Variants in EML1 observed in about 807,000 individuals in gnomAD.
EML1 encodes EMAP like 1.
In EML1, 27 loss-of-function variants were observed where a neutral mutation model predicts 110.4. The observed-to-expected ratio is 0.24, with a 90% CI of 0.18 to 0.34. The LOEUF (loss-of-function observed/expected upper bound fraction) is 0.34, where lower values mean the gene tolerates loss of function less well. Ranked by LOEUF, EML1 falls within the 10% of genes least tolerant of loss-of-function variation. EML1 has a pLI of 1.00. For synonymous variants in EML1, 344 were observed against 385.8 expected (o/e 0.89, Z 1.27); for missense variants, 741 against 1,030.9 (o/e 0.72, Z 3.85).
chr14:99,909,180 T>G, intron 10 of EML1, 165 bp from the exon 11 acceptor site: 1 of 1,073,114 alleles, frequency 9.3e-7, no homozygotes, highest in East Asian at 2.4e-5. Flanking sequence ...CACACCAGCA[T>G]ATGCTTGATG....
At chr14:99,840,816 T>A (rs1157834123) in intron 1 of EML1, among the ~76,000 whole-genome samples, 1 of 152,230 alleles carries the variant, frequency 6.6e-6, no homozygotes, top group East Asian at 1.9e-4. Context: ...CATGCTTCTC[T>A]CACCTTTTAA....
chr14:99,738,634 C>T (rs973111998), intron 1 of EML1, among the ~76,000 whole-genome samples: 4 of 152,364 alleles, frequency 2.6e-5, no homozygotes, highest in Admixed American at 1.3e-4. Flanking sequence ...AGCTTAACTT[C>T]TCTGAGCCTC....
chr14:99,917,754 A>G, intron 15 of EML1, 28 bp from the exon 16 acceptor site: 1 of 1,612,264 alleles, frequency 6.2e-7, no homozygotes. Flanking sequence ...TCTGTTCATC[A>G]ATTTACACTT....
At chr14:99,801,340 G>A (rs1032088432) in intron 1 of EML1, among the ~76,000 whole-genome samples, 1 of 152,204 alleles carries the variant, frequency 6.6e-6, no homozygotes, top group African/African-American at 2.4e-5. Flanking sequence ...AATTGGCCGG[G>A]CACGGTGGCT....
At chr14:99,925,682 G>A (rs538102897) in intron 17 of EML1, among the ~76,000 whole-genome samples, 13 of 152,302 alleles carry the variant, frequency 8.5e-5, no homozygotes, top group East Asian at 3.9e-4. Context: ...AGTTCAGGCC[G>A]TTTCCATGTC....
intron 3 of EML1, among the ~76,000 whole-genome samples, chr14:99,867,313 C>T (rs1193984931): frequency 6.6e-6 from 1 of 152,088 alleles, no homozygotes; most frequent in African/African-American, 2.4e-5. Flanking sequence ...TATTTAGGGT[C>T]CCTTGATATT....
intron 2 of EML1, among the ~76,000 whole-genome samples, chr14:99,856,027 G>A (rs1012343699): frequency 6.6e-6 from 1 of 152,138 alleles, no homozygotes; most frequent in Non-Finnish European, 1.5e-5. Context: ...ATTGACTAAG[G>A]GCTGGACTTT....
chr14:99,882,594 AG>A (rs1249043372), intron 4 of EML1, among the ~76,000 whole-genome samples: 1 of 151,598 alleles, frequency 6.6e-6, no homozygotes, highest in Non-Finnish European at 1.5e-5. Context: ...CCAGATTAAA[AG>A]AATTGTCTTG....
rs150240269 is a variant in EML1, at chr14:99,885,410, C to T, written c.519-5789C>T. Reference sequence around the variant, plus strand: ...GGTGTATCTAAACATAGAAAAGATACCATAAAAATACAGTATTATAATTTT... The same window carrying T: ...GGTGTATCTAAACATAGAAAAGATATCATAAAAATACAGTATTATAATTTT... On this transcript the variant is annotated intron_variant, in intron 4 of 21. Coordinates refer to ENST00000262233, the MANE Select transcript of EML1 (RefSeq NM_004434.3). Among the ~76,000 whole-genome samples, 544 of 152,244 alleles carry T rather than the reference C, an allele frequency of 3.6e-3. 14 individuals carry two copies. Among genetic ancestry groups the T allele is most frequent in the Admixed American group, 0.031 (471 of 15,278 alleles).
chr14:99,750,435 A>C (rs903499440), intron 1 of EML1, among the ~76,000 whole-genome samples: 1 of 152,164 alleles, frequency 6.6e-6, no homozygotes, highest in South Asian at 2.1e-4. Flanking sequence ...AAAGTCAGGG[A>C]GGGGAGCATG....
intron 19 of EML1, among the ~76,000 whole-genome samples, chr14:99,937,484 C>T (rs894498097): frequency 6.6e-6 from 1 of 151,620 alleles, no homozygotes; most frequent in Non-Finnish European, 1.5e-5. Context: ...ACCGCAGAGG[C>T]AGAGCTGTGT....
intron 4 of EML1, among the ~76,000 whole-genome samples, chr14:99,879,011 G>A (rs1214137589): frequency 6.6e-6 from 1 of 152,184 alleles, no homozygotes; most frequent in Non-Finnish European, 1.5e-5. Flanking sequence ...AAGTTTGTCA[G>A]CAGTATTTTC....
intron 1 of EML1, among the ~76,000 whole-genome samples, chr14:99,807,738 A>T (rs959915053): frequency 6.6e-6 from 1 of 152,172 alleles, no homozygotes; most frequent in African/African-American, 2.4e-5. Context: ...GAGAGGGTGG[A>T]GACGGGGTCT....
At chr14:99,923,701 G>A (rs1355101780) in intron 17 of EML1, among the ~76,000 whole-genome samples, 2 of 61,322 alleles carry the variant, frequency 3.3e-5, no homozygotes, top group South Asian at 4.2e-4. Flanking sequence ...AAATTGAGTA[G>A]TGTCACTGCT....
chr14:99,925,484 A>G (rs991674328), intron 17 of EML1, among the ~76,000 whole-genome samples: 17 of 152,110 alleles, frequency 1.1e-4, no homozygotes, highest in Non-Finnish European at 1.9e-4. Flanking sequence ...GGGCTCAAGC[A>G]GTCTTCCTGC....
At chr14:99,809,804 G>A (rs2058044444) in intron 1 of EML1, 1 of 450,010 alleles carries the variant, frequency 2.2e-6, no homozygotes. Flanking sequence ...TAGTGTGAAA[G>A]TTCTGCTTTT....
chr14:99,793,679 C>A, intron 1 of EML1, 136 bp downstream of exon 1: 1 of 584,736 alleles, frequency 1.7e-6, no homozygotes, highest in African/African-American at 2.0e-5. Context: ...TGCGGAGGGG[C>A]GCGCGGTCCC....
intron 4 of EML1, chr14:99,883,462 C>T (rs2059422130): frequency 6.6e-6 from 1 of 150,724 alleles, no homozygotes; most frequent in Admixed American, 6.6e-5. Flanking sequence ...GCCTGGGAGG[C>T]TGAGACTACA....
chr14:99,876,755 C>T (rs1472741899), intron 3 of EML1, among the ~76,000 whole-genome samples: 1 of 152,194 alleles, frequency 6.6e-6, no homozygotes, highest in African/African-American at 2.4e-5. Context: ...GAACAGCCCC[C>T]TGCCTGCCCC....
Sources: allele counts gnomAD v4.1 joint callset (sites outside exome capture counted in the v4.1 genomes callset), GRCh38; gene constraint gnomAD v4.1.1; transcripts MANE v1.5; gene names NCBI Gene and HGNC (gene_info 2026-07-23, HGNC 2026-07-21).